EHBP1: variants seen among roughly 807,000 people sequenced by gnomAD.
EHBP1 encodes the protein EH domain-binding protein 1.
Under a neutral mutation model 144.0 loss-of-function variants are expected in EHBP1, and 55 were observed. The ratio of observed to expected loss-of-function variants is 0.38; its 90% confidence interval spans 0.31 to 0.48. The LOEUF (loss-of-function observed/expected upper bound fraction) is 0.48, where lower values mean the gene tolerates loss of function less well. EHBP1 is among the 20% of genes least tolerant of loss of function. The pLI is 0.98. For synonymous variants in EHBP1, 469 were observed against 472.7 expected, an observed-to-expected ratio of 0.99 and a Z score of 0.10; for missense variants, 1,200 against 1,364.2, an observed-to-expected ratio of 0.88 and a Z score of 1.90.
At chr2:62,731,058 T>C (rs1321469839) in intron 2 of EHBP1, among the ~76,000 whole-genome samples, 2 of 151,412 alleles carry the variant, frequency 1.3e-5, no homozygotes, top group Non-Finnish European at 2.9e-5. Flanking sequence ...TGTACAGATA[T>C]CTCTCAATTT....
At chr2:62,787,821 G>T (rs1004709244) in intron 5 of EHBP1, among the ~76,000 whole-genome samples, 1 of 152,172 alleles carries the variant, frequency 6.6e-6, no homozygotes, top group South Asian at 2.1e-4. Flanking sequence ...GCTATAGATT[G>T]CAATTTATCA....
At chr2:63,037,768 AT>A (rs1307514612) in intron 20 of EHBP1, 134 bp downstream of exon 20, 2 of 535,090 alleles carry the variant, frequency 3.7e-6, no homozygotes, top group African/African-American at 4.0e-5. Flanking sequence ...TTATAAAAAA[AT>A]AAAAAATAGT....
intron 12 of EHBP1, among the ~76,000 whole-genome samples, chr2:62,945,997 T>C (rs966522038): frequency 1.8e-4 from 6 of 33,678 alleles, no homozygotes; most frequent in Admixed American, 5.1e-4. Context: ...AAATGCTTCT[T>C]TTTCATTAAT....
In EHBP1 at chr2:62,787,394, GCC is replaced by G. The variant is rs72201800; in HGVS notation, c.312+16013_312+16014del. On this transcript the variant is annotated intron_variant, in intron 5 of 22. Transcript: ENST00000431489. The stretch of plus-strand genomic sequence containing the variant: ...CTGCACCACCCCACACTGCACCGCT[GCC>G]CCCCCCCCCCACCCCCTTGCTCCAT... Among the ~76,000 whole-genome samples, 242 of 70,496 alleles carry G rather than the reference GCC, an allele frequency of 3.4e-3. 1 individual carries two copies. Among genetic ancestry groups the G allele is most frequent in the African/African-American group, 8.4e-3 (159 of 18,930 alleles). The allele number at this position is 70,496 out of a possible 152,430, so 46.2% of individuals were successfully genotyped here.
At chr2:62,862,509 T>C (rs9789661) in intron 8 of EHBP1, among the ~76,000 whole-genome samples, 96,564 of 151,638 alleles carry the variant, frequency 0.64, 30,883 homozygotes, top group South Asian at 0.7. Flanking sequence ...CCTCAGGAGG[T>C]TGAGGCAGGA....
At chr2:62,834,388 G>C (rs2047054912) in intron 7 of EHBP1, among the ~76,000 whole-genome samples, 1 of 152,172 alleles carries the variant, frequency 6.6e-6, no homozygotes, top group South Asian at 2.1e-4. Flanking sequence ...ATGGCAACAA[G>C]TATTTTAAGG....
At chr2:62,723,746 T>C (rs1422500149) in intron 2 of EHBP1, among the ~76,000 whole-genome samples, 2 of 152,240 alleles carry the variant, frequency 1.3e-5, no homozygotes, top group East Asian at 1.9e-4. Flanking sequence ...AAGCTTAGTT[T>C]GGTGAGACAT....
chr2:62,980,428 C>T (rs545399658), intron 15 of EHBP1, among the ~76,000 whole-genome samples: 1 of 152,282 alleles, frequency 6.6e-6, no homozygotes, highest in South Asian at 2.1e-4. Context: ...TAGTACTGGT[C>T]CATGGCCCTG....
chr2:62,892,644 A>G (rs2052558216), intron 10 of EHBP1, among the ~76,000 whole-genome samples: 2 of 152,122 alleles, frequency 1.3e-5, no homozygotes, highest in Admixed American at 1.3e-4. Flanking sequence ...ACTTTACCTT[A>G]TACAGCAGAT....
intron 1 of EHBP1, among the ~76,000 whole-genome samples, chr2:62,681,073 G>A (rs1003696238): frequency 1.5e-4 from 23 of 151,774 alleles, no homozygotes; most frequent in Non-Finnish European, 2.2e-4. Flanking sequence ...TGCACTTTGG[G>A]AGGCTGAGGC....
rs1272789760 is a variant in EHBP1 at position 62,863,836 on chromosome 2, T to TG, written c.758-894dup. Among the ~76,000 whole-genome samples, 21 of 105,104 alleles carry TG rather than the reference T, an allele frequency of 2.0e-4. 1 individual carries two copies. The highest frequency in any genetic ancestry group is 1.9e-5 in the Non-Finnish European group (1 of 51,954). The allele number at this position is 105,104 out of a possible 152,430, so 69.0% of individuals were successfully genotyped here. A position where few individuals can be genotyped will look rare whatever the true frequency, so the allele number is the denominator to read the frequency against. On this transcript the variant is annotated intron_variant, in intron 8 of 22. Transcript: ENST00000431489. The stretch of plus-strand genomic sequence containing the variant: ...TATTTTTTTAAATTTTATTTTTCTG[T>TG]GTTGTTTTTTTTTTTTTTTTTTTTT...
intron 16 of EHBP1, among the ~76,000 whole-genome samples, chr2:62,992,841 C>G (rs530852790): frequency 4.3e-4 from 66 of 152,196 alleles, no homozygotes; most frequent in Middle Eastern, 6.8e-3. Context: ...TGCATCTTAG[C>G]CTTTCCCTAT....
intron 10 of EHBP1, among the ~76,000 whole-genome samples, chr2:62,915,919 C>T (rs1033154226): frequency 3.9e-5 from 6 of 152,106 alleles, no homozygotes; most frequent in Admixed American, 2.6e-4. Context: ...AGGAGTATCA[C>T]AGAACAATGA....
At chr2:62,807,085 C>T (rs1249255401) in intron 5 of EHBP1, among the ~76,000 whole-genome samples, 1 of 152,122 alleles carries the variant, frequency 6.6e-6, no homozygotes. Flanking sequence ...ATATGAAACC[C>T]ACTGACACTG....
intron 10 of EHBP1, among the ~76,000 whole-genome samples, chr2:62,929,072 A>T (rs2055766520): frequency 6.6e-6 from 1 of 152,204 alleles, no homozygotes; most frequent in Non-Finnish European, 1.5e-5. Context: ...CTAATTCGTA[A>T]GAAGAATGAA....
At chr2:63,005,383 C>T (rs549369735) in intron 19 of EHBP1, among the ~76,000 whole-genome samples, 10 of 152,128 alleles carry the variant, frequency 6.6e-5, no homozygotes, top group South Asian at 2.1e-4. Context: ...ATGTGGCTAG[C>T]GTGGATAGCA....
intron 16 of EHBP1, among the ~76,000 whole-genome samples, chr2:62,993,061 A>G (rs2059476840): frequency 6.6e-6 from 1 of 152,200 alleles, no homozygotes; most frequent in African/African-American, 2.4e-5. Flanking sequence ...CTTAGCTGTA[A>G]AGGGCTTACT....
At chr2:63,020,444 A>G (rs1559076331) in intron 19 of EHBP1, among the ~76,000 whole-genome samples, 1 of 151,272 alleles carries the variant, frequency 6.6e-6, no homozygotes, top group Non-Finnish European at 1.5e-5. Flanking sequence ...TGGAGGTTGC[A>G]ATGACCCGAG....
At chr2:62,927,172 C>T (rs554621299) in intron 10 of EHBP1, among the ~76,000 whole-genome samples, 1 of 152,134 alleles carries the variant, frequency 6.6e-6, no homozygotes, top group East Asian at 1.9e-4. Context: ...AAATGTAGAA[C>T]AGAGGATACT....
Sources: gnomAD v4.1 joint callset for allele counts (sites outside exome capture counted in the v4.1 genomes callset) on GRCh38, gnomAD v4.1.1 for gene constraint, MANE v1.5 for transcripts, NCBI Gene and HGNC (gene_info 2026-07-23, HGNC 2026-07-21) for gene names.